HDAC4: variants seen among roughly 807,000 people sequenced by gnomAD.
HDAC4 encodes the protein histone deacetylase 4.
A neutral mutation model predicts 135.1 loss-of-function variants in HDAC4; 16 were observed. The ratio of observed to expected loss-of-function variants is 0.12; its 90% CI spans 0.08 to 0.18. The LOEUF (loss-of-function observed/expected upper bound fraction) is 0.18. Among genes scored for constraint, HDAC4 ranks in the 10% least tolerant of loss-of-function variants. The pLI, the probability that HDAC4 is intolerant of heterozygous loss-of-function variation, is 1.00. For missense variants in HDAC4, 1,143 were observed against 1,511.8 expected (o/e 0.76, Z 4.05); for synonymous variants, 685 against 653.4 (o/e 1.05, Z -0.74).
intron 4 of HDAC4, among the ~76,000 whole-genome samples, chr2:239,179,857 C>T (rs771156099): frequency 2.6e-5 from 4 of 152,266 alleles, no homozygotes; most frequent in South Asian, 2.1e-4. Flanking sequence ...CTACAGGGCT[C>T]GCTGCTCCAA....
intron 5 of HDAC4, among the ~76,000 whole-genome samples, chr2:239,169,915 G>A (rs758939234): frequency 1.3e-5 from 2 of 152,202 alleles, no homozygotes; most frequent in Non-Finnish European, 2.9e-5. Context: ...TGTGCCAGGA[G>A]CCAGGGCCAT....
At chr2:239,316,030 C>G (rs1244314260) in intron 2 of HDAC4, among the ~76,000 whole-genome samples, 3 of 151,764 alleles carry the variant, frequency 2.0e-5, no homozygotes, top group African/African-American at 7.3e-5. Context: ...AGAACTCTTA[C>G]AAACTGTGTG....
At chr2:239,132,829 A>G (rs1311395495) in intron 11 of HDAC4, among the ~76,000 whole-genome samples, 4 of 152,232 alleles carry the variant, frequency 2.6e-5, no homozygotes, top group Non-Finnish European at 5.9e-5. Context: ...GGAATCCTGA[A>G]GATCAGGCAC....
chr2:239,138,532 A>G (rs1354683939), intron 9 of HDAC4, among the ~76,000 whole-genome samples: 1 of 152,256 alleles, frequency 6.6e-6, no homozygotes, highest in Non-Finnish European at 1.5e-5. Context: ...CCCACTCAGT[A>G]GAACTCTGCC....
intron 14 of HDAC4, among the ~76,000 whole-genome samples, chr2:239,110,204 G>A (rs1021338823): frequency 6.6e-6 from 1 of 152,230 alleles, no homozygotes; most frequent in East Asian, 1.9e-4. Flanking sequence ...TGCCACCACT[G>A]GGGAGTGGCA....
chr2:239,348,568 C>T (rs1692887860), intron 2 of HDAC4, among the ~76,000 whole-genome samples: 1 of 152,250 alleles, frequency 6.6e-6, no homozygotes, highest in Admixed American at 6.5e-5. Flanking sequence ...GGAGGCGTAG[C>T]TTGTCCTGCC....
intron 7 of HDAC4, among the ~76,000 whole-genome samples, chr2:239,147,544 C>T (rs559404546): frequency 5.9e-5 from 9 of 152,266 alleles, no homozygotes; most frequent in African/African-American, 9.6e-5. Context: ...ACCGCCCTCG[C>T]GGGCCTTCCA....
Position 239,068,865 on chromosome 2 carries a change from G to A in HDAC4, c.2751-258C>T. On this transcript the variant is annotated intron_variant, in intron 22 of 26. Transcript: ENST00000543185. This position sits in a 1 kb window ranked among gnomAD's most constrained non-coding sequence, Gnocchi z 4.4. ...GCCCCACGACACTTGCTTGGTGAGA[G>A]GGAGTCACGGTGCAAGCCAGCAAGC... 2.1e-6 allele frequency: 1 copy of A among 485,484 alleles called. No individual in the cohort carries two copies. The highest frequency in any genetic ancestry group is 3.9e-6 in the Non-Finnish European group (1 of 257,614). 30.1% of individuals were successfully genotyped at this position (485,484 alleles called of 1,614,324 possible).
At chr2:239,270,910 T>C (rs567669748) in intron 2 of HDAC4, among the ~76,000 whole-genome samples, 43 of 152,306 alleles carry the variant, frequency 2.8e-4, no homozygotes, top group Non-Finnish European at 5.0e-4. Flanking sequence ...AAATACAGTG[T>C]CCGTTCCTCA....
At position 239,082,310 on chromosome 2, in the gene HDAC4, T is replaced by C. The variant is rs878866236; in HGVS notation, c.2533-89A>G. 321 of 1,530,828 alleles carry C rather than the reference T, an allele frequency of 2.1e-4. 3 individuals carry two copies. The South Asian group carries it at 3.4e-3, about 16-fold the overall frequency. 94.8% of individuals were successfully genotyped at this position (1,530,828 alleles called of 1,614,324 possible). A position where few individuals can be genotyped will look rare whatever the true frequency, so the allele number is the denominator to read the frequency against. ...GGCCGTCCCCAACCCCAGTTGTGCT[T>C]AGTGACAACGGCTCCTGCTCAGGAA... On this transcript the variant is annotated intron_variant, in intron 20 of 26. Coordinates refer to ENST00000543185, the MANE Select transcript of HDAC4 (RefSeq NM_001378414.1).
intron 3 of HDAC4, among the ~76,000 whole-genome samples, chr2:239,217,912 T>A (rs2046731745): frequency 6.6e-6 from 1 of 152,094 alleles, no homozygotes; most frequent in Non-Finnish European, 1.5e-5. Flanking sequence ...GCCAACATCA[T>A]AAGACCCCAT....
At chr2:239,364,356 A>G (rs1694042224) in intron 1 of HDAC4, among the ~76,000 whole-genome samples, 1 of 152,246 alleles carries the variant, frequency 6.6e-6, no homozygotes, top group Admixed American at 6.5e-5. Context: ...GTAAAAATAA[A>G]CAAACTACAC....
intron 12 of HDAC4, among the ~76,000 whole-genome samples, chr2:239,126,025 G>A (rs1413611261): frequency 1.3e-5 from 2 of 152,252 alleles, no homozygotes; most frequent in Non-Finnish European, 2.9e-5. Context: ...TGGGTTGCTA[G>A]TTTATTTAAA....
Position 239,262,693 on chromosome 2 carries a change from C to T in HDAC4, c.23-26029G>A, listed in dbSNP as rs1490844706. On this transcript the variant is annotated intron_variant, in intron 2 of 26. Transcript: ENST00000543185. This position sits in a 1 kb window ranked among gnomAD's most constrained non-coding sequence, Gnocchi z 4.1. Reference sequence around the variant, plus strand: ...GTGGGCAGGCACCACAAGCGGGACACCCCCAAGGGTGCACACGGCTGAAGG... The same window carrying T: ...GTGGGCAGGCACCACAAGCGGGACATCCCCAAGGGTGCACACGGCTGAAGG... Among the ~76,000 whole-genome samples the T allele has an allele frequency of 6.6e-6, 1 of 152,194 alleles. No homozygotes were observed. Among genetic ancestry groups the T allele is most frequent in the Non-Finnish European group, 1.5e-5 (1 of 68,044 alleles).
chr2:239,335,530 A>AC (rs201911124), intron 2 of HDAC4, among the ~76,000 whole-genome samples: 265 of 135,802 alleles, frequency 2.0e-3, no homozygotes, highest in Admixed American at 3.4e-3. Flanking sequence ...AAAAAAAAAA[A>AC]CACCATTAAG....
intron 1 of HDAC4, among the ~76,000 whole-genome samples, chr2:239,370,609 G>A (rs1028280552): frequency 8.5e-5 from 13 of 152,182 alleles, no homozygotes; most frequent in Non-Finnish European, 4.4e-5. Context: ...TATGGTTAAC[G>A]GCAACAGATA....
chr2:239,120,679 G>A (rs904941790), intron 12 of HDAC4, among the ~76,000 whole-genome samples: 1 of 151,912 alleles, frequency 6.6e-6, no homozygotes, highest in African/African-American at 2.4e-5. Flanking sequence ...ACCCTGTGGG[G>A]CTGCCCCATC....
intron 1 of HDAC4, among the ~76,000 whole-genome samples, chr2:239,372,929 A>G (rs1694736051): frequency 6.6e-6 from 1 of 151,900 alleles, no homozygotes; most frequent in Admixed American, 6.6e-5. Context: ...TCCGTTTCTC[A>G]TTCAATACCA....
chr2:239,357,714 T>C (rs576280512), intron 1 of HDAC4, among the ~76,000 whole-genome samples: 1 of 144,964 alleles, frequency 6.9e-6, no homozygotes, highest in Admixed American at 7.5e-5. Context: ...TGAAACCCTG[T>C]CTCGACAAAA....
Sources: gnomAD v4.1 joint callset for allele counts (sites outside exome capture counted in the v4.1 genomes callset) on GRCh38, gnomAD v4.1.1 for gene constraint, Gnocchi (gnomAD v3.1) non-coding constraint, MANE v1.5 for transcripts, NCBI Gene and HGNC (gene_info 2026-07-23, HGNC 2026-07-21) for gene names.